Variants in ZFYVE9 observed in about 807,000 individuals in gnomAD.
ZFYVE9 encodes zinc finger FYVE-type containing 9.
Under a neutral mutation model 126.7 loss-of-function variants are expected in ZFYVE9, and 43 were observed. The observed-to-expected ratio is 0.34, with a 90% CI of 0.27 to 0.44. The LOEUF is 0.44. ZFYVE9 is among the 20% of genes least tolerant of loss of function. The pLI, the probability that ZFYVE9 is intolerant of heterozygous loss-of-function variation, is 1.00. For missense variants in ZFYVE9, 1,476 were observed against 1,697.0 expected (o/e 0.87, Z 2.29); for synonymous variants, 521 against 597.4 (o/e 0.87, Z 1.87).
chr1:52,224,248 G>A (rs1398973447), intron 2 of ZFYVE9, among the ~76,000 whole-genome samples: 1 of 152,164 alleles, frequency 6.6e-6, no homozygotes, highest in African/African-American at 2.4e-5. Flanking sequence ...GGGGATGTGG[G>A]GTGGCATGGC....
chr1:52,181,078 TTCTCCCTCACGG>T (rs1234764968), intron 1 of ZFYVE9, among the ~76,000 whole-genome samples: 1 of 148,822 alleles, frequency 6.7e-6, no homozygotes, highest in Non-Finnish European at 1.5e-5. Flanking sequence ...CTCCCTCACT[TTCTCCCTCACGG>T]TCTCCTTCTC....
rs776576848 is a variant in ZFYVE9, at chr1:52,344,817, C to G, written c.3989C>G (p.Ala1330Gly). 6.2e-6 allele frequency: 10 copies of G among 1,614,176 alleles called. No homozygotes were observed. Among genetic ancestry groups the G allele is most frequent in the Non-Finnish European group, 8.5e-6 (10 of 1,180,028 alleles). ...DDQHNCLSDP[A>G]DHSRLTEHVA... ...CAGCACAATTGCCTCAGTGATCCTG[C>G]AGATCACAGTAGATTGACTGAGCAT... Residue 1330 changes from alanine to glycine, a missense_variant, in exon 18 of 19, where the codon GCA (alanine) becomes GGA (glycine). By Grantham distance (60) the Ala-to-Gly change is moderately conservative. Coordinates refer to ENST00000287727, the MANE Select transcript of ZFYVE9 (RefSeq NM_004799.4).
intron 1 of ZFYVE9, among the ~76,000 whole-genome samples, chr1:52,208,888 T>C (rs993821418): frequency 3.3e-5 from 5 of 152,218 alleles, no homozygotes; most frequent in Non-Finnish European, 7.3e-5. Context: ...AGTAAGTACA[T>C]TGAAGTTTTA....
At chr1:52,331,477 G>A (rs1378135972) in intron 13 of ZFYVE9, among the ~76,000 whole-genome samples, 3 of 151,170 alleles carry the variant, frequency 2.0e-5, no homozygotes, top group African/African-American at 7.3e-5. Context: ...TGTCGGCCGG[G>A]TGCAGTGGCT....
rs1254114197 is a variant in ZFYVE9 at position 52,237,735 on chromosome 1, T to A, written c.318T>A (p.Asp106Glu). 1.9e-6 allele frequency: 3 copies of A among 1,614,100 alleles called. No individual in the cohort carries two copies. The highest frequency in any genetic ancestry group is 8.5e-7 in the Non-Finnish European group (1 of 1,179,984). Residue 106 changes from aspartate to glutamate, a missense_variant, in exon 4 of 19, where the codon GAT becomes GAA. This residue lies in a region of ZFYVE9 where 807 missense variants were observed against 794.6 expected (regional missense o/e 1.02). Transcript: ENST00000287727. Reference protein sequence around the residue: ...LNPEIATMWIDENAVAEDQLI... With the variant: ...LNPEIATMWIEENAVAEDQLI... ...CAGAGATTGCCACAATGTGGATTGA[T>A]GAAAATGCTGTTGCAGAAGACCAGT... is the stretch of plus-strand genomic sequence containing the variant.
chr1:52,310,897 G>A (rs1009376741), intron 13 of ZFYVE9, among the ~76,000 whole-genome samples: 1 of 152,158 alleles, frequency 6.6e-6, no homozygotes. Flanking sequence ...TTGAGACAGG[G>A]TCTTGCTGTG....
At chr1:52,260,915 A>G (rs1219503629) in intron 4 of ZFYVE9, among the ~76,000 whole-genome samples, 1 of 152,104 alleles carries the variant, frequency 6.6e-6, no homozygotes, top group Non-Finnish European at 1.5e-5. Context: ...AGCATATTCC[A>G]TGCATCCCTT....
At chr1:52,184,720 T>A (rs1163458025) in intron 1 of ZFYVE9, among the ~76,000 whole-genome samples, 1 of 152,116 alleles carries the variant, frequency 6.6e-6, no homozygotes, top group Non-Finnish European at 1.5e-5. Context: ...TTTAAATAGC[T>A]GCTAATGTTC....
chr1:52,198,380 G>A (rs1196192843), intron 1 of ZFYVE9, among the ~76,000 whole-genome samples: 1 of 151,794 alleles, frequency 6.6e-6, no homozygotes, highest in Non-Finnish European at 1.5e-5. Context: ...TACAGGCATG[G>A]GCTACTGTGC....
chr1:52,280,341 C>T (rs1645790674), intron 9 of ZFYVE9, among the ~76,000 whole-genome samples: 1 of 149,024 alleles, frequency 6.7e-6, no homozygotes, highest in Non-Finnish European at 1.5e-5. Context: ...GATCATGACA[C>T]TGCACTCCAG....
intron 10 of ZFYVE9, among the ~76,000 whole-genome samples, chr1:52,291,044 A>G (rs1645914641): frequency 6.6e-6 from 1 of 152,210 alleles, no homozygotes; most frequent in African/African-American, 2.4e-5. Flanking sequence ...AAAATGCCAT[A>G]CTGCTACGTT....
chr1:52,178,750 A>G (rs1286272912), intron 1 of ZFYVE9, among the ~76,000 whole-genome samples: 1 of 152,208 alleles, frequency 6.6e-6, no homozygotes, highest in Admixed American at 6.5e-5. Flanking sequence ...AGCCAGAGAC[A>G]ATAATATAAA....
chr1:52,336,331 G>A (rs1171515645), intron 15 of ZFYVE9, among the ~76,000 whole-genome samples: 4 of 139,598 alleles, frequency 2.9e-5, no homozygotes, highest in Non-Finnish European at 6.2e-5. Flanking sequence ...GAAACATGCC[G>A]TTAACAAATT....
Position 52,341,418 on chromosome 1 carries a change from C to T in ZFYVE9, c.3939+1187C>T, listed in dbSNP as rs112004608. ...GGGAATGAGAGGAGCAGGGCAGTGA[C>T]CCTTTTTTGTATGTACATGTCATAT... On this transcript the variant is annotated intron_variant, in intron 17 of 18. Transcript: ENST00000287727. 1.4e-3 allele frequency among the ~76,000 whole-genome samples: 217 copies of T among 152,306 alleles called. 1 individual carries two copies. The highest frequency in any genetic ancestry group is 4.9e-3 in the African/African-American group (205 of 41,568).
chr1:52,283,535 C>G (rs1012166081), intron 10 of ZFYVE9, among the ~76,000 whole-genome samples: 3 of 152,172 alleles, frequency 2.0e-5, no homozygotes, highest in Non-Finnish European at 4.4e-5. Context: ...TAAAAATGAA[C>G]TAACTGCTGA....
At position 52,293,541 on chromosome 1, in the gene ZFYVE9, T is replaced by C. The variant is rs773938423; in HGVS notation, c.3114T>C (p.Ser1038=). The C allele has an allele frequency of 1.8e-5, 29 of 1,614,048 alleles. No individual in the cohort carries two copies. The African/African-American group carries it at 3.7e-4, about 21-fold the overall frequency. ...ATGGTGGATTCTTATATGTGACATC[T>C]ACCTACCAGTCACTGCAAGACCTAG... ...KEHGGFLYVT[S]TYQSLQDLVL... The change falls in exon 11 of 19, where the codon TCT becomes TCC. Residue 1038 remains serine (S), a synonymous_variant. Transcript: ENST00000287727.
chr1:52,224,901 T>A (rs1258692298), intron 2 of ZFYVE9, among the ~76,000 whole-genome samples: 1 of 152,124 alleles, frequency 6.6e-6, no homozygotes, highest in East Asian at 1.9e-4. Flanking sequence ...TTTCTTGCAC[T>A]CTTGTGAGCA....
chr1:52,163,486 C>G (rs1644482046), intron 1 of ZFYVE9, among the ~76,000 whole-genome samples: 1 of 152,214 alleles, frequency 6.6e-6, no homozygotes. Context: ...CAAAATGGTG[C>G]TGACCTATTT....
intron 13 of ZFYVE9, among the ~76,000 whole-genome samples, chr1:52,313,255 CT>C (rs1646154559): frequency 6.6e-6 from 1 of 152,158 alleles, no homozygotes; most frequent in African/African-American, 2.4e-5. Context: ...ACCAGTCCAC[CT>C]TAAACAACTA....
Sources: gnomAD v4.1 joint callset for allele counts (sites outside exome capture counted in the v4.1 genomes callset) on GRCh38, gnomAD v4.1.1 for gene constraint, gnomAD v4.1.1 regional missense constraint, MANE v1.5 for transcripts, NCBI Gene and HGNC (gene_info 2026-07-23, HGNC 2026-07-21) for gene names.